Variants in PTPN9 observed in about 807,000 individuals in gnomAD.
PTPN9 encodes the protein tyrosine-protein phosphatase non-receptor type 9.
Under a neutral mutation model 69.8 loss-of-function variants are expected in PTPN9, and 26 were observed. The ratio of observed to expected loss-of-function variants is 0.37; its 90% CI spans 0.27 to 0.52. PTPN9 has a LOEUF of 0.52. Among genes scored for constraint, PTPN9 ranks in the 20% least tolerant of loss-of-function variants. The probability of loss-of-function intolerance (pLI) is 0.91; values close to 1 mark genes in which losing one functional copy is unlikely to be tolerated. For synonymous variants in PTPN9, 274 were observed against 272.5 expected (o/e 1.01, Z -0.05); for missense variants, 549 against 740.3 (o/e 0.74, Z 3.00).
intron 5 of PTPN9, among the ~76,000 whole-genome samples, chr15:75,516,929 G>C (rs1595958880): frequency 6.6e-6 from 1 of 151,036 alleles, no homozygotes; most frequent in African/African-American, 2.4e-5. Context: ...GTTTTTAGTA[G>C]AGACAGGGTT....
At chr15:75,559,689 T>C (rs1318620756) in intron 1 of PTPN9, among the ~76,000 whole-genome samples, 2 of 150,120 alleles carry the variant, frequency 1.3e-5, no homozygotes, top group Non-Finnish European at 2.9e-5. Context: ...TTCACTTGTT[T>C]ATCTGCTGAC....
intron 2 of PTPN9, among the ~76,000 whole-genome samples, chr15:75,525,574 A>G (rs2074923873): frequency 6.6e-6 from 1 of 151,608 alleles, no homozygotes; most frequent in African/African-American, 2.4e-5. Context: ...TTATATACCG[A>G]TAACAAAAAA....
intron 7 of PTPN9, among the ~76,000 whole-genome samples, chr15:75,501,017 T>A (rs796384451): frequency 2.0e-5 from 3 of 152,318 alleles, no homozygotes; most frequent in African/African-American, 7.2e-5. Flanking sequence ...TTTCCCTTGT[T>A]GATATATGGT....
chr15:75,468,927 T>C lies in PTPN9; in HGVS notation c.1624A>G (p.Asn542Asp). 6.2e-7 allele frequency: 1 copy of C among 1,614,118 alleles called. No individual in the cohort carries two copies. Among genetic ancestry groups the C allele is most frequent in the South Asian group, 1.1e-5 (1 of 91,086 alleles). Reference protein sequence around the residue: ...LAQLEELGTLNVFQTVSRMRT... With the variant: ...LAQLEELGTLDVFQTVSRMRT... ...ATGCGTGACACCGTCTGGAACACAT[T>C]AAGGGTGCCAAGCTCCTCCAGCTGT... is the stretch of plus-strand genomic sequence containing the variant. The change falls in exon 13 of 13, where the codon AAT becomes GAT. Residue 542 changes from asparagine to aspartate, a missense_variant. By Grantham distance (23) the Asn-to-Asp change is conservative. Coordinates refer to ENST00000618819, the MANE Select transcript of PTPN9 (RefSeq NM_002833.4).
At chr15:75,475,348 G>A (rs1365225250) in intron 9 of PTPN9, among the ~76,000 whole-genome samples, 1 of 152,146 alleles carries the variant, frequency 6.6e-6, no homozygotes, top group African/African-American at 2.4e-5. Context: ...GGAGGCCGAG[G>A]CAGGTGGATC....
intron 1 of PTPN9, among the ~76,000 whole-genome samples, chr15:75,564,164 T>G (rs553174558): frequency 2.2e-4 from 34 of 151,842 alleles, no homozygotes; most frequent in Non-Finnish European, 3.7e-4. Context: ...GTAAACTTTG[T>G]AACCTCAAAT....
At chr15:75,575,964 C>T (rs1019040628) in intron 1 of PTPN9, among the ~76,000 whole-genome samples, 2 of 133,982 alleles carry the variant, frequency 1.5e-5, no homozygotes, top group Admixed American at 7.6e-5. Context: ...CTGGGCACAG[C>T]GGCCCAGGCC....
chr15:75,537,733 A>G (rs1478681460), intron 1 of PTPN9, among the ~76,000 whole-genome samples: 3 of 124,234 alleles, frequency 2.4e-5, no homozygotes. Flanking sequence ...CCAGCAGGGC[A>G]ACAGAGGGAG....
intron 1 of PTPN9, among the ~76,000 whole-genome samples, chr15:75,554,790 C>T (rs939766076): frequency 2.0e-5 from 3 of 152,184 alleles, no homozygotes; most frequent in Admixed American, 6.5e-5. Flanking sequence ...TCTGGATGTC[C>T]TCACTGCAGT....
chr15:75,560,238 T>C (rs1380574689), intron 1 of PTPN9, among the ~76,000 whole-genome samples: 1 of 152,100 alleles, frequency 6.6e-6, no homozygotes, highest in Non-Finnish European at 1.5e-5. Flanking sequence ...TTTCCGGAAA[T>C]GTCTAATGGT....
intron 4 of PTPN9, among the ~76,000 whole-genome samples, chr15:75,522,659 C>A (rs866359683): frequency 6.6e-6 from 1 of 152,238 alleles, no homozygotes. Flanking sequence ...CCTGCTTCAG[C>A]CTCCCAAAGT....
At chr15:75,499,373 G>C (rs1394134998) in intron 7 of PTPN9, among the ~76,000 whole-genome samples, 2 of 147,056 alleles carry the variant, frequency 1.4e-5, no homozygotes, top group Non-Finnish European at 3.0e-5. Flanking sequence ...TGGTTTGGAT[G>C]ATGGCAACAA....
chr15:75,505,513 T>A (rs2074814162), intron 7 of PTPN9, among the ~76,000 whole-genome samples, 162 bp downstream of exon 7: 1 of 150,394 alleles, frequency 6.6e-6, no homozygotes, highest in African/African-American at 2.4e-5. Context: ...AAGCAGAAAG[T>A]ACCTCTTTCT....
chr15:75,526,989 A>C, intron 2 of PTPN9, 129 bp downstream of exon 2: 6 of 1,163,260 alleles, frequency 5.2e-6, no homozygotes, highest in East Asian at 2.5e-5. Context: ...GGGCTCCTGG[A>C]TATGGATCCA....
intron 1 of PTPN9, among the ~76,000 whole-genome samples, chr15:75,535,724 T>C (rs1441396125): frequency 2.0e-5 from 3 of 152,234 alleles, no homozygotes; most frequent in Admixed American, 1.3e-4. Context: ...CTTCCTCTCA[T>C]GACCTGTTTC....
At chr15:75,565,671 G>A (rs529054386) in intron 1 of PTPN9, among the ~76,000 whole-genome samples, 1 of 152,278 alleles carries the variant, frequency 6.6e-6, no homozygotes, top group South Asian at 2.1e-4. Flanking sequence ...GTTTAAATAA[G>A]ATATGGAAGA....
At chr15:75,540,559 A>AAAAAG (rs1555456495) in intron 1 of PTPN9, among the ~76,000 whole-genome samples, 6 of 106,742 alleles carry the variant, frequency 5.6e-5, no homozygotes, top group Admixed American at 3.6e-4. Context: ...AAAAAAAAAA[A>AAAAAG]AAAGAAAGAA....
Position 75,508,960 on chromosome 15 carries a change from T to C in PTPN9, c.596A>G (p.Tyr199Cys), listed in dbSNP as rs537929670. 1.2e-6 allele frequency: 2 copies of C among 1,614,164 alleles called. No individual in the cohort carries two copies. The highest frequency in any genetic ancestry group is 1.3e-5 in the African/African-American group (1 of 75,064). ...CTTCAGGAGGAGACTGATGATGGAA[T>C]AGGGCACTCGGAACCATATGGGTGC... Reference protein sequence around the residue: ...VGAPIWFRVPYSIISLLLKDK... With the variant: ...VGAPIWFRVPCSIISLLLKDK... The change falls in exon 6 of 13, where the codon TAT becomes TGT. Residue 199 changes from tyrosine (Y) to cysteine (C), a missense_variant. By Grantham distance (194) the Tyr-to-Cys change is radical. Transcript: ENST00000618819.
At chr15:75,558,155 C>T (rs1360659159) in intron 1 of PTPN9, among the ~76,000 whole-genome samples, 2 of 152,200 alleles carry the variant, frequency 1.3e-5, no homozygotes, top group Non-Finnish European at 2.9e-5. Flanking sequence ...TGGTAAAACA[C>T]TGTCTCTACT....
Sources: gnomAD v4.1 joint callset for allele counts (sites outside exome capture counted in the v4.1 genomes callset) on GRCh38, gnomAD v4.1.1 for gene constraint, MANE v1.5 for transcripts, NCBI Gene and HGNC (gene_info 2026-07-23, HGNC 2026-07-21) for gene names.